Variants in HIVEP2 observed in about 807,000 individuals in gnomAD.
The protein encoded by HIVEP2 is HIVEP zinc finger 2.
In HIVEP2, 14 loss-of-function variants were observed where a neutral mutation model predicts 180.7. The observed-to-expected ratio is 0.08, with a 90% CI of 0.05 to 0.12. HIVEP2 has a LOEUF of 0.12. Among genes scored for constraint, HIVEP2 ranks in the 10% least tolerant of loss-of-function variants. The pLI is 1.00. For synonymous variants in HIVEP2, 1,184 were observed against 1,136.4 expected, an observed-to-expected ratio of 1.04 and a Z score of -0.84; for missense variants, 2,579 against 3,008.5, an observed-to-expected ratio of 0.86 and a Z score of 3.34.
chr6:142,841,909 A>G (rs972927356), intron 1 of HIVEP2, among the ~76,000 whole-genome samples: 1 of 152,174 alleles, frequency 6.6e-6, no homozygotes, highest in African/African-American at 2.4e-5. Flanking sequence ...TGAATTCCTC[A>G]CAAGGTTCCC....
intron 1 of HIVEP2, among the ~76,000 whole-genome samples, chr6:142,839,160 G>A (rs549202043): frequency 2.0e-5 from 3 of 151,974 alleles, no homozygotes; most frequent in Admixed American, 6.6e-5. Flanking sequence ...GGTAAGCCTC[G>A]CGTACAAACC....
Position 142,764,942 on chromosome 6 carries a change from C to T in HIVEP2, c.5375G>A (p.Arg1792Lys), listed in dbSNP as rs766071612. The T allele has an allele frequency of 6.2e-7, 1 of 1,613,162 alleles. No individual in the cohort carries two copies. The highest frequency in any genetic ancestry group is 8.5e-7 in the Non-Finnish European group (1 of 1,179,326). ...YKSNEDYVYV[R>K]GRGRGKYICE... ...AATGTACTTTCCCCGGCCACGTCCTCTGACATATACATAATCTTCATTCGA... is the reference window on the plus strand; with the variant it reads ...AATGTACTTTCCCCGGCCACGTCCTTTGACATATACATAATCTTCATTCGA... The change falls in exon 7 of 10, where the codon AGA becomes AAA. Residue 1792 changes from arginine (R) to lysine (K), a missense_variant. Around this residue, in one of 11 missense-constraint regions of HIVEP2, gnomAD observed 21 missense variants for 86.8 expected, o/e 0.24. Coordinates refer to ENST00000367603, the MANE Select transcript of HIVEP2 (RefSeq NM_006734.4).
At chr6:142,891,478 A>T (rs1377723521) in intron 1 of HIVEP2, among the ~76,000 whole-genome samples, 1 of 152,000 alleles carries the variant, frequency 6.6e-6, no homozygotes, top group Non-Finnish European at 1.5e-5. Flanking sequence ...CACTTAGCAG[A>T]TCCTTACAGA....
At chr6:142,919,023 T>C (rs1777629203) in intron 1 of HIVEP2, among the ~76,000 whole-genome samples, 2 of 152,226 alleles carry the variant, frequency 1.3e-5, no homozygotes, top group South Asian at 4.1e-4. Flanking sequence ...TCTGCTTTGA[T>C]TTTTATGTCT....
At chr6:142,927,435 T>C (rs1777845401) in intron 1 of HIVEP2, among the ~76,000 whole-genome samples, 1 of 152,164 alleles carries the variant, frequency 6.6e-6, no homozygotes, top group East Asian at 1.9e-4. Flanking sequence ...ATTCCGTAAA[T>C]AACTGTCAGA....
chr6:142,879,982 A>G (rs1437526965), intron 1 of HIVEP2, among the ~76,000 whole-genome samples: 1 of 152,178 alleles, frequency 6.6e-6, no homozygotes, highest in Non-Finnish European at 1.5e-5. Flanking sequence ...AACCTGGCAT[A>G]TAGAATACCC....
At chr6:142,878,000 A>G (rs1248279903) in intron 1 of HIVEP2, among the ~76,000 whole-genome samples, 2 of 152,104 alleles carry the variant, frequency 1.3e-5, no homozygotes. Flanking sequence ...GTGTCTTAAC[A>G]TGGAGCCCAA....
chr6:142,897,862 C>G (rs1290095069), intron 1 of HIVEP2, among the ~76,000 whole-genome samples: 1 of 152,212 alleles, frequency 6.6e-6, no homozygotes, highest in Non-Finnish European at 1.5e-5. Context: ...TCAAAACACT[C>G]TTGACCTCCT....
intron 1 of HIVEP2, among the ~76,000 whole-genome samples, chr6:142,935,797 G>A (rs1227443835): frequency 6.6e-6 from 1 of 152,120 alleles, no homozygotes; most frequent in Admixed American, 6.5e-5. Flanking sequence ...ACACTTTTGT[G>A]AAAGTGAAAC....
chr6:142,773,800 C>A lies in HIVEP2; in HGVS notation c.939G>T (p.Gly313=), dbSNP rs1334579357. The change falls in exon 5 of 10, where the codon GGG becomes GGT. Residue 313 remains glycine (G), a synonymous_variant. Transcript: ENST00000367603. Reference sequence around the variant, plus strand: ...GACCTCCCAATGATTCTTCCAATGACCCATGATAGCCGCCTCTGCTGGCAA... The same window carrying A: ...GACCTCCCAATGATTCTTCCAATGAACCATGATAGCCGCCTCTGCTGGCAA... The part of the protein sequence containing the change: ...LDIASRGGYH[G]SLEESLGGPM... 2 of 1,613,778 alleles carry A rather than the reference C, an allele frequency of 1.2e-6. No individual in the cohort carries two copies. The highest frequency in any genetic ancestry group is 1.7e-6 in the Non-Finnish European group (2 of 1,180,044).
In HIVEP2 at chr6:142,773,390, A is replaced by G; in HGVS notation, c.1349T>C (p.Met450Thr). The change falls in exon 5 of 10, where the codon ATG becomes ACG. Residue 450 changes from methionine (M) to threonine (T), a missense_variant. Met to Thr is a moderately conservative substitution (Grantham distance 81). Coordinates refer to ENST00000367603, the MANE Select transcript of HIVEP2 (RefSeq NM_006734.4). The stretch of plus-strand genomic sequence containing the variant: ...TGGTTCCATTATGCCCTTCCTACCC[A>G]TTGCGGCACGCTCCTGACTTGTGGT... The part of the protein sequence containing the change: ...VTTTSQERAA[M>T]GRKGIMEPLP... 6.2e-7 allele frequency: 1 copy of G among 1,614,026 alleles called. No homozygotes were observed.
At chr6:142,825,877 A>C (rs1186202746) in intron 2 of HIVEP2, among the ~76,000 whole-genome samples, 1 of 152,146 alleles carries the variant, frequency 6.6e-6, no homozygotes, top group East Asian at 1.9e-4. Context: ...TAATTTTTTC[A>C]GCAGACTTTC....
chr6:142,829,207 C>T (rs956025043), intron 2 of HIVEP2, among the ~76,000 whole-genome samples: 10 of 152,102 alleles, frequency 6.6e-5, no homozygotes, highest in African/African-American at 1.2e-4. Flanking sequence ...ACATTCCAGA[C>T]GTTCTATACT....
intron 2 of HIVEP2, among the ~76,000 whole-genome samples, chr6:142,830,812 C>A (rs1047465017): frequency 3.3e-5 from 5 of 152,174 alleles, no homozygotes; most frequent in African/African-American, 1.2e-4. Flanking sequence ...AGCCTGGGGT[C>A]ATCACTGACC....
At chr6:142,930,333 C>A (rs1030904167) in intron 1 of HIVEP2, among the ~76,000 whole-genome samples, 4 of 152,170 alleles carry the variant, frequency 2.6e-5, no homozygotes, top group Admixed American at 2.6e-4. Flanking sequence ...TACCTACTTG[C>A]TTGCTTCACA....
At chr6:142,933,579 A>G (rs1405406647) in intron 1 of HIVEP2, among the ~76,000 whole-genome samples, 2 of 152,210 alleles carry the variant, frequency 1.3e-5, no homozygotes, top group African/African-American at 4.8e-5. Context: ...GTGAAGATGT[A>G]AAATTTTTCC....
chr6:142,920,139 C>T (rs1015359122), intron 1 of HIVEP2, among the ~76,000 whole-genome samples: 1 of 152,198 alleles, frequency 6.6e-6, no homozygotes, highest in Non-Finnish European at 1.5e-5. Context: ...CTCTACCACT[C>T]ATTTTATCTC....
At chr6:142,942,236 C>T (rs1246752266) in intron 1 of HIVEP2, among the ~76,000 whole-genome samples, 1 of 151,902 alleles carries the variant, frequency 6.6e-6, no homozygotes, top group Non-Finnish European at 1.5e-5. Context: ...AAGCTGAAAC[C>T]CAATACAGTG....
intron 1 of HIVEP2, among the ~76,000 whole-genome samples, chr6:142,838,895 T>G (rs1186714572): frequency 6.6e-6 from 1 of 152,150 alleles, no homozygotes; most frequent in East Asian, 1.9e-4. Context: ...TTAAGCAATA[T>G]GTTAAAAGGT....
Sources: gnomAD v4.1 joint callset for allele counts (sites outside exome capture counted in the v4.1 genomes callset) on GRCh38, gnomAD v4.1.1 for gene constraint, gnomAD v4.1.1 regional missense constraint, MANE v1.5 for transcripts, NCBI Gene and HGNC (gene_info 2026-07-23, HGNC 2026-07-21) for gene names.